Variants in PYGL observed in about 807,000 individuals in gnomAD.
PYGL encodes glycogen phosphorylase, liver form.
PYGL carries 90 observed loss-of-function variants against 100.1 expected under a neutral mutation model. The ratio of observed to expected loss-of-function variants is 0.90; its 90% CI spans 0.76 to 1.07. The LOEUF is 1.07. Ranked by LOEUF, PYGL falls within the 50% of genes least tolerant of loss-of-function variation. The pLI is 0.00. For missense variants in PYGL, 1,016 were observed against 1,057.6 expected (o/e 0.96, Z 0.55); for synonymous variants, 373 against 393.0 (o/e 0.95, Z 0.60).
chr14:50,920,606 T>G lies in PYGL; in HGVS notation c.790A>C (p.Ile264Leu). The G allele has an allele frequency of 6.2e-7, 1 of 1,612,168 alleles. No individual in the cohort carries two copies. Among genetic ancestry groups the G allele is most frequent in the Non-Finnish European group, 8.5e-7 (1 of 1,178,206 alleles). ...NLRDFNVGDY[I>L]QAVLDRNLAE... is the part of the protein sequence containing the mutation. Reference sequence around the variant, plus strand: ...AGGTTTCGGTCCAGCACAGCCTGAATGTAGTCTCCAACATTAACTAGGGGA... The same window carrying G: ...AGGTTTCGGTCCAGCACAGCCTGAAGGTAGTCTCCAACATTAACTAGGGGA... Residue 264 changes from isoleucine (I) to leucine (L), a missense_variant, in exon 7 of 20, where the codon ATT becomes CTT. Ile to Leu is a conservative substitution (Grantham distance 5). Transcript: ENST00000216392.
intron 10 of PYGL, 56 bp from the exon 11 acceptor site, chr14:50,915,555 G>T: frequency 1.9e-6 from 3 of 1,601,118 alleles, no homozygotes; most frequent in Non-Finnish European, 2.6e-6. Flanking sequence ...GCAACATTGG[G>T]ATAACGCTGT....
chr14:50,910,951 T>TG (rs1398342619), intron 16 of PYGL, among the ~76,000 whole-genome samples: 4 of 152,248 alleles, frequency 2.6e-5, no homozygotes, highest in Non-Finnish European at 4.4e-5. Flanking sequence ...AGAGCTTATT[T>TG]GTGGATTAGA....
intron 18 of PYGL, 148 bp from the exon 19 acceptor site, chr14:50,908,485 C>A: frequency 1.2e-6 from 1 of 812,926 alleles, no homozygotes; most frequent in Non-Finnish European, 2.0e-6. Flanking sequence ...GACTTTTAAC[C>A]AGCCCTCAAC....
At chr14:50,941,913 T>G (rs1463341948) in intron 1 of PYGL, among the ~76,000 whole-genome samples, 2 of 152,066 alleles carry the variant, frequency 1.3e-5, no homozygotes, top group Admixed American at 6.6e-5. Flanking sequence ...GGGGCAGGAT[T>G]GGGAGAAATA....
At position 50,940,077 on chromosome 14, in the gene PYGL, T is replaced by G. The variant is rs1037469378; in HGVS notation, c.244-2240A>C. ...CTGTTACTAGAACCCTCACCAGCTA[T>G]TAGATACCTTCGAATGATTGGATAA... is the stretch of plus-strand genomic sequence containing the variant. On this transcript the variant is annotated intron_variant, in intron 1 of 19. Coordinates refer to ENST00000216392, the MANE Select transcript of PYGL (RefSeq NM_002863.5). Among the ~76,000 whole-genome samples the G allele has an allele frequency of 2.0e-5, 3 of 152,218 alleles. No homozygotes were observed. In the East Asian group the frequency reaches 5.8e-4, roughly 29 times the overall value.
intron 3 of PYGL, among the ~76,000 whole-genome samples, chr14:50,933,733 A>G (rs1566512128): frequency 6.6e-6 from 1 of 152,100 alleles, no homozygotes; most frequent in Non-Finnish European, 1.5e-5. Flanking sequence ...CTACATATTC[A>G]CATTATATAC....
At chr14:50,916,487 G>C (rs184781984) in intron 9 of PYGL, 155 bp downstream of exon 9, 5 of 723,342 alleles carry the variant, frequency 6.9e-6, no homozygotes, top group Non-Finnish European at 1.2e-5. Flanking sequence ...AAACTCTAAG[G>C]ATGGAAAATG....
intron 4 of PYGL, among the ~76,000 whole-genome samples, chr14:50,931,091 C>G (rs554152045): frequency 6.6e-6 from 1 of 152,078 alleles, no homozygotes; most frequent in Non-Finnish European, 1.5e-5. Context: ...CTGATTTCAT[C>G]TTATAAAAAA....
rs2050727729 is a variant in PYGL at position 50,944,153 on chromosome 14, C to G, written c.243+8G>C. ...TGGACCCCGGCCCGCCGTCCCGCCC[C>G]CGGTTACCTTGGGGCACTTGTCGTA... On this transcript the variant is annotated splice_region_variant and intron_variant, in intron 1 of 19. Transcript: ENST00000216392. 1 of 1,600,156 alleles carries G rather than the reference C, an allele frequency of 6.2e-7. No individual in the cohort carries two copies. Among genetic ancestry groups the G allele is most frequent in the African/African-American group, 1.3e-5 (1 of 74,916 alleles).
chr14:50,921,028 A>G lies in PYGL; in HGVS notation c.700T>C (p.Tyr234His). The G allele has an allele frequency of 6.2e-7, 1 of 1,614,220 alleles. No homozygotes were observed. The highest frequency in any genetic ancestry group is 1.3e-5 in the African/African-American group (1 of 75,060). The change falls in exon 6 of 20, where the codon TAC (tyrosine) becomes CAC (histidine). Residue 234 changes from tyrosine (Y) to histidine (H), a missense_variant. Tyr to His is a moderately conservative substitution (Grantham distance 83). Coordinates refer to ENST00000216392, the MANE Select transcript of PYGL (RefSeq NM_002863.5). ...ALPYDTPVPG[Y>H]MNNTVNTMRL... ...ATGGTGTTGACAGTGTTATTCATGTAGCCGGGCACGGGGGTGTCATATGGC... is the reference window on the plus strand; with the variant it reads ...ATGGTGTTGACAGTGTTATTCATGTGGCCGGGCACGGGGGTGTCATATGGC...
chr14:50,923,308 G>C (rs2050517824), intron 5 of PYGL: 1 of 151,460 alleles, frequency 6.6e-6, no homozygotes, highest in Non-Finnish European at 1.5e-5. Context: ...TTTTTTTTGA[G>C]ACAGAGTCTC....
chr14:50,908,990 GCT>G (rs746904511), intron 17 of PYGL, 35 bp from the exon 18 acceptor site: 17 of 1,584,466 alleles, frequency 1.1e-5, no homozygotes, highest in Non-Finnish European at 1.4e-5. Context: ...ATAAAAAAAG[GCT>G]CTGTTATTGT....
intron 7 of PYGL, 129 bp downstream of exon 7, chr14:50,920,412 G>A: frequency 3.3e-6 from 3 of 912,836 alleles, no homozygotes; most frequent in Non-Finnish European, 5.2e-6. Flanking sequence ...CACAATTCAG[G>A]AAGAAATACG....
At position 50,914,812 on chromosome 14, in the gene PYGL, G is replaced by A; in HGVS notation, c.1407C>T (p.Phe469=). ...CAGGTTCTAGCTCACTGAAGTCCTTGAATCTGGAGATGGAGGAGACACATC... is the reference window on the plus strand; with the variant it reads ...CAGGTTCTAGCTCACTGAAGTCCTTAAATCTGGAGATGGAGGAGACACATC... ...IHSDIVKTKV[F]KDFSELEPDK... The change falls in exon 12 of 20, where the codon TTC becomes TTT. Residue 469 remains phenylalanine (F), a synonymous_variant. Transcript: ENST00000216392. 1 of 1,609,632 alleles carries A rather than the reference G, an allele frequency of 6.2e-7. No homozygotes were observed. The highest frequency in any genetic ancestry group is 8.5e-7 in the Non-Finnish European group (1 of 1,176,098).
intron 11 of PYGL, 33 bp from the exon 12 acceptor site, chr14:50,914,848 G>T: frequency 6.6e-7 from 1 of 1,522,436 alleles, no homozygotes; most frequent in Non-Finnish European, 9.1e-7. Flanking sequence ...ACTGAATTTG[G>T]CTGAAACGGC....
chr14:50,941,603 A>C (rs2050702525), intron 1 of PYGL, among the ~76,000 whole-genome samples: 1 of 152,184 alleles, frequency 6.6e-6, no homozygotes, highest in Admixed American at 6.5e-5. Flanking sequence ...CACAGAGGCC[A>C]GTCGTGGTGG....
chr14:50,905,517 C>G lies in PYGL; in HGVS notation c.2419G>C (p.Ala807Pro), dbSNP rs2050324217. 1 of 1,614,016 alleles carries G rather than the reference C, an allele frequency of 6.2e-7. No individual in the cohort carries two copies. Among genetic ancestry groups the G allele is most frequent in the Non-Finnish European group, 8.5e-7 (1 of 1,179,922 alleles). ...AWNTMVLKNI[A>P]ASGKFSSDRT... ...TCACTGGAGAATTTCCCCGAGGCAG[C>G]TATGTTTTTGAGTACCATTGTGTTC... The change falls in exon 20 of 20, where the codon GCT (alanine) becomes CCT (proline). Residue 807 changes from alanine to proline, a missense_variant. Physicochemically the swap from Ala to Pro is conservative, Grantham distance 27 (BLOSUM62 -1). Coordinates refer to ENST00000216392, the MANE Select transcript of PYGL (RefSeq NM_002863.5).
At chr14:50,937,937 C>G in intron 1 of PYGL, 100 bp from the exon 2 acceptor site, 1 of 1,062,928 alleles carries the variant, frequency 9.4e-7, no homozygotes. Flanking sequence ...AAGAAACAAA[C>G]AGGCAGGACT....
At chr14:50,905,582 C>T in intron 19 of PYGL, 26 bp from the exon 20 acceptor site, 3 of 1,610,540 alleles carry the variant, frequency 1.9e-6, no homozygotes, top group Non-Finnish European at 2.5e-6. Context: ...GCATATACAG[C>T]CCAGAGTCCC....
Sources: allele counts gnomAD v4.1 joint callset (sites outside exome capture counted in the v4.1 genomes callset), GRCh38; gene constraint gnomAD v4.1.1; transcripts MANE v1.5; gene names NCBI Gene and HGNC (gene_info 2026-07-23, HGNC 2026-07-21).